MRTFA: variants seen among roughly 807,000 people sequenced by gnomAD.
MRTFA encodes the protein myocardin-related transcription factor A.
Under a neutral mutation model 83.5 loss-of-function variants are expected in MRTFA, and 20 were observed. The ratio of observed to expected loss-of-function variants is 0.24; its 90% CI spans 0.17 to 0.35. MRTFA has a LOEUF of 0.35. Among genes scored for constraint, MRTFA ranks in the 10% least tolerant of loss-of-function variants. MRTFA has a pLI of 1.00. For missense variants in MRTFA, 1,200 were observed against 1,224.7 expected (o/e 0.98, Z 0.30); for synonymous variants, 659 against 541.2 (o/e 1.22, Z -3.02).
At chr22:40,562,737 G>T (rs1298843996) in intron 2 of MRTFA, among the ~76,000 whole-genome samples, 6 of 83,512 alleles carry the variant, frequency 7.2e-5, no homozygotes, top group African/African-American at 2.9e-4. Flanking sequence ...GGGAAGGGGG[G>T]AAGGGGGAAC....
At chr22:40,474,943 A>C (rs946119182) in intron 3 of MRTFA, among the ~76,000 whole-genome samples, 1 of 151,998 alleles carries the variant, frequency 6.6e-6, no homozygotes, top group Admixed American at 6.6e-5. Context: ...GGTTCAAGCT[A>C]TTCTCCTGCC....
At chr22:40,587,936 A>G in intron 2 of MRTFA, 2 of 388,504 alleles carry the variant, frequency 5.1e-6, no homozygotes. Context: ...AGACAAAGTG[A>G]CATTTTTGCC....
intron 5 of MRTFA, among the ~76,000 whole-genome samples, chr22:40,435,105 C>T (rs901299643): frequency 6.6e-6 from 1 of 152,202 alleles, no homozygotes; most frequent in African/African-American, 2.4e-5. Context: ...TAACCCCGGA[C>T]TTGGGAAGCT....
chr22:40,613,303 C>G (rs866912434), intron 1 of MRTFA, among the ~76,000 whole-genome samples: 5 of 152,108 alleles, frequency 3.3e-5, no homozygotes, highest in African/African-American at 1.2e-4. Context: ...TATGAACATT[C>G]ACATGGTTTT....
intron 3 of MRTFA, among the ~76,000 whole-genome samples, chr22:40,481,602 G>T (rs960699962): frequency 1.3e-5 from 2 of 152,008 alleles, no homozygotes; most frequent in Non-Finnish European, 2.9e-5. Flanking sequence ...TTTAGATAGG[G>T]TACACAGAGA....
At chr22:40,463,118 G>T in intron 4 of MRTFA, 103 bp downstream of exon 4, 1 of 955,836 alleles carries the variant, frequency 1.0e-6, no homozygotes, top group Non-Finnish European at 1.7e-6. Context: ...AAAATAAAAC[G>T]CATCATCCTT....
Position 40,463,206 on chromosome 22 carries a change from G to C in MRTFA, c.307+15C>G. ...AAAAGCAATCTACCAAATGCTGAGA[G>C]AGAGAGGCACTTACGCGGCATGATC... is the stretch of plus-strand genomic sequence containing the variant. On this transcript the variant is annotated intron_variant, in intron 4 of 14. Coordinates refer to ENST00000355630, the MANE Select transcript of MRTFA (RefSeq NM_020831.6). 1.2e-6 allele frequency: 2 copies of C among 1,606,980 alleles called. No homozygotes were observed. Among genetic ancestry groups the C allele is most frequent in the Non-Finnish European group, 1.7e-6 (2 of 1,178,782 alleles).
intron 1 of MRTFA, among the ~76,000 whole-genome samples, chr22:40,615,661 T>A (rs1399115017): frequency 6.6e-6 from 1 of 151,782 alleles, no homozygotes; most frequent in Non-Finnish European, 1.5e-5. Flanking sequence ...TAATTTTCAG[T>A]GTAAAAGGTC....
chr22:40,612,933 C>T (rs535945657), intron 1 of MRTFA, among the ~76,000 whole-genome samples: 17 of 152,302 alleles, frequency 1.1e-4, no homozygotes, highest in African/African-American at 4.1e-4. Flanking sequence ...GGTGACAGAG[C>T]AAGACCCTGG....
At chr22:40,627,307 T>G (rs2056593584) in intron 1 of MRTFA, among the ~76,000 whole-genome samples, 1 of 152,156 alleles carries the variant, frequency 6.6e-6, no homozygotes, top group Non-Finnish European at 1.5e-5. Flanking sequence ...AGACACACGG[T>G]CTTGTCATGT....
chr22:40,610,964 G>A (rs1275122794), intron 1 of MRTFA, among the ~76,000 whole-genome samples: 2 of 133,346 alleles, frequency 1.5e-5, no homozygotes, highest in Non-Finnish European at 3.1e-5. Flanking sequence ...TTGAGATAGA[G>A]ACTTGCTCTG....
chr22:40,541,779 G>A (rs2055294920), intron 3 of MRTFA, among the ~76,000 whole-genome samples: 1 of 150,946 alleles, frequency 6.6e-6, no homozygotes, highest in Non-Finnish European at 1.5e-5. Context: ...CGATTCTCTT[G>A]CCTCAACCTC....
intron 4 of MRTFA, among the ~76,000 whole-genome samples, chr22:40,437,006 A>G (rs1225794265): frequency 6.6e-6 from 1 of 152,168 alleles, no homozygotes; most frequent in Non-Finnish European, 1.5e-5. Context: ...TCCCAGTGGT[A>G]TTTATTTTTA....
intron 2 of MRTFA, among the ~76,000 whole-genome samples, chr22:40,585,908 A>G (rs1036555500): frequency 9.2e-5 from 14 of 152,242 alleles, no homozygotes; most frequent in Non-Finnish European, 1.5e-4. Flanking sequence ...TCAATTTCCT[A>G]GGCCAACATC....
chr22:40,414,351 G>A (rs1056665244), intron 14 of MRTFA, among the ~76,000 whole-genome samples: 14 of 152,088 alleles, frequency 9.2e-5, no homozygotes, highest in South Asian at 2.1e-4. Context: ...GAAAAAAAAA[G>A]AAGAAATTAC....
chr22:40,632,856 A>G (rs1462798639), intron 1 of MRTFA, among the ~76,000 whole-genome samples: 4 of 152,242 alleles, frequency 2.6e-5, no homozygotes, highest in African/African-American at 9.6e-5. Context: ...CTTTCGAGGT[A>G]ATCTGTTACA....
chr22:40,626,902 A>ACAC (rs2056589214), intron 1 of MRTFA, among the ~76,000 whole-genome samples: 2 of 123,750 alleles, frequency 1.6e-5, no homozygotes, highest in African/African-American at 2.8e-5. Flanking sequence ...CACACACACT[A>ACAC]ACTAAAGCCA....
intron 3 of MRTFA, among the ~76,000 whole-genome samples, chr22:40,539,339 A>ATTT (rs567459121): frequency 3.9e-5 from 5 of 129,566 alleles, no homozygotes; most frequent in East Asian, 2.3e-4. Context: ...GTTATTAACA[A>ATTT]TTTTTTTTTT....
At chr22:40,435,595 C>T (rs1214289891) in intron 4 of MRTFA, 41 bp from the exon 5 acceptor site, 1 of 1,604,908 alleles carries the variant, frequency 6.2e-7, no homozygotes, top group Non-Finnish European at 8.5e-7. Context: ...TCAAGCGAAG[C>T]ATCATGTCTA....
Sources: allele counts gnomAD v4.1 joint callset (sites outside exome capture counted in the v4.1 genomes callset), GRCh38; gene constraint gnomAD v4.1.1; transcripts MANE v1.5; gene names NCBI Gene and HGNC (gene_info 2026-07-23, HGNC 2026-07-21).